PKHD1: variants seen among roughly 807,000 people sequenced by gnomAD.
The protein encoded by PKHD1 is PKHD1 ciliary IPT domain containing fibrocystin/polyductin.
Under a neutral mutation model 412.0 loss-of-function variants are expected in PKHD1, and 291 were observed. That is an observed-to-expected ratio of 0.71 (90% confidence interval 0.64 to 0.78). The LOEUF is 0.78. PKHD1 is among the 30% of genes least tolerant of loss of function. The pLI, the probability that PKHD1 is intolerant of heterozygous loss-of-function variation, is 0.00. For missense variants in PKHD1, 4,825 were observed against 4,950.7 expected, an observed-to-expected ratio of 0.97 and a Z score of 0.76; for synonymous variants, 1,777 against 1,821.5, an observed-to-expected ratio of 0.98 and a Z score of 0.62.
chr6:52,029,122 A>G (rs1284874752), intron 29 of PKHD1, among the ~76,000 whole-genome samples: 1 of 152,166 alleles, frequency 6.6e-6, no homozygotes, highest in African/African-American at 2.4e-5. Flanking sequence ...TGGTCCACAC[A>G]CTATCCTGAT....
intron 46 of PKHD1, among the ~76,000 whole-genome samples, chr6:51,874,239 C>T (rs1015712782): frequency 1.6e-4 from 24 of 151,882 alleles, no homozygotes; most frequent in Non-Finnish European, 3.1e-4. Context: ...CCTACAGATA[C>T]TTCGATAAGT....
At chr6:51,762,298 AC>A (rs1788148487) in intron 55 of PKHD1, among the ~76,000 whole-genome samples, 1 of 152,090 alleles carries the variant, frequency 6.6e-6, no homozygotes, top group Non-Finnish European at 1.5e-5. Context: ...TGACAAAGTA[AC>A]CATTTAATTT....
At chr6:51,997,044 T>G (rs574058994) in intron 35 of PKHD1, among the ~76,000 whole-genome samples, 2 of 152,290 alleles carry the variant, frequency 1.3e-5, no homozygotes, top group East Asian at 3.9e-4. Flanking sequence ...TTAACTCAAG[T>G]TGGATCAATG....
Position 52,010,429 on chromosome 6 carries a change from G to A in PKHD1, c.5631C>T (p.Ile1877=), listed in dbSNP as rs2128117364. The change falls in exon 35 of 67, where the codon ATC becomes ATT. Residue 1877 remains isoleucine (I), a synonymous_variant. Coordinates refer to ENST00000371117, the MANE Select transcript of PKHD1 (RefSeq NM_138694.4). ...TGGTAATGTTACAGGAGCTATTATAGATGAGAACTTCATCTCTTTCCAATT... is the reference window on the plus strand; with the variant it reads ...TGGTAATGTTACAGGAGCTATTATAAATGAGAACTTCATCTCTTTCCAATT... The part of the protein sequence containing the change: ...SPKLERDEVL[I]YNSSCNITME... 6.2e-7 allele frequency: 1 copy of A among 1,607,832 alleles called. No homozygotes were observed.
At chr6:51,881,733 G>A (rs897564012) in intron 46 of PKHD1, among the ~76,000 whole-genome samples, 2 of 152,156 alleles carry the variant, frequency 1.3e-5, no homozygotes, top group African/African-American at 4.8e-5. Flanking sequence ...TTTCCCCTAA[G>A]TTCAAGAAGT....
At chr6:51,824,661 A>G (rs919980765) in intron 52 of PKHD1, among the ~76,000 whole-genome samples, 8 of 122,208 alleles carry the variant, frequency 6.5e-5, no homozygotes, top group African/African-American at 2.7e-4. Flanking sequence ...TTTTCCATTC[A>G]CTTTCTAAAG....
In PKHD1 at chr6:51,870,639, C is replaced by T; in HGVS notation, c.7351G>A (p.Gly2451Arg). 1.2e-6 allele frequency: 2 copies of T among 1,607,830 alleles called. No homozygotes were observed. The highest frequency in any genetic ancestry group is 2.2e-5 in the South Asian group (2 of 90,850). ...ATCCCAGATGACATACACAGACTTC[C>T]CTGTGATTTAAAAGAAAAAAAGATG... ...SLLLGHFAHK[G>R]SLCMSSGIKT... Residue 2451 changes from glycine (G) to arginine (R), a missense_variant and splice_region_variant, in exon 47 of 67, where the codon GGA becomes AGA. Transcript: ENST00000371117.
At chr6:51,666,223 T>C (rs1187482090) in intron 60 of PKHD1, among the ~76,000 whole-genome samples, 1 of 152,138 alleles carries the variant, frequency 6.6e-6, no homozygotes, top group Non-Finnish European at 1.5e-5. Flanking sequence ...ATGAATTATT[T>C]AAAATGAGAA....
intron 52 of PKHD1, among the ~76,000 whole-genome samples, chr6:51,813,002 C>A (rs1316383568): frequency 6.6e-6 from 1 of 152,204 alleles, no homozygotes; most frequent in East Asian, 1.9e-4. Context: ...CTGCTTCCCA[C>A]TTCAAGTTGT....
At chr6:51,907,411 A>G (rs903658986) in intron 40 of PKHD1, among the ~76,000 whole-genome samples, 18 of 152,156 alleles carry the variant, frequency 1.2e-4, no homozygotes, top group African/African-American at 4.3e-4. Context: ...ATCCACCCCA[A>G]TAAATTAACC....
At chr6:52,080,068 G>T in intron 4 of PKHD1, 60 bp from the exon 5 acceptor site, 2 of 955,766 alleles carry the variant, frequency 2.1e-6, no homozygotes, top group Non-Finnish European at 1.7e-6. Context: ...AAAGCTAGCA[G>T]CCCACTTGCC....
chr6:51,959,981 T>C lies in PKHD1; in HGVS notation c.5797A>G (p.Ser1933Gly), dbSNP rs1791757714. 1.9e-6 allele frequency: 3 copies of C among 1,613,544 alleles called. No individual in the cohort carries two copies. The highest frequency in any genetic ancestry group is 2.2e-5 in the East Asian group (1 of 44,860). The change falls in exon 36 of 67, where the codon AGC becomes GGC. Residue 1933 changes from serine (S) to glycine (G), a missense_variant. Ser to Gly is a moderately conservative substitution (Grantham distance 56). Coordinates refer to ENST00000371117, the MANE Select transcript of PKHD1 (RefSeq NM_138694.4). ...TGTGGCAGCCTTTCAGGAAACCAGC[T>C]GTGAGTCCTGGACCATCTCCGGCAG... is the stretch of plus-strand genomic sequence containing the variant. ...QFCRRWSRTHSWFPERLPQDG... is the reference protein window; with the variant it reads ...QFCRRWSRTHGWFPERLPQDG...
chr6:52,068,326 T>C (rs780045284), intron 11 of PKHD1, among the ~76,000 whole-genome samples: 3 of 152,210 alleles, frequency 2.0e-5, no homozygotes, highest in Non-Finnish European at 4.4e-5. Flanking sequence ...CTGTGAGTCC[T>C]GATCCCAAGA....
intron 28 of PKHD1, among the ~76,000 whole-genome samples, chr6:52,034,193 AG>A (rs1239600102): frequency 4.1e-5 from 6 of 146,338 alleles, no homozygotes; most frequent in Admixed American, 6.8e-5. Context: ...AAAAAAAAAA[AG>A]AACTATAAAA....
chr6:51,758,182 G>C (rs891348749), intron 55 of PKHD1, among the ~76,000 whole-genome samples: 2 of 152,082 alleles, frequency 1.3e-5, no homozygotes, highest in African/African-American at 4.8e-5. Context: ...GACCTTTTCT[G>C]TTCTGGCTTC....
intron 33 of PKHD1, among the ~76,000 whole-genome samples, chr6:52,018,131 T>C (rs1001492085): frequency 6.6e-6 from 1 of 152,236 alleles, no homozygotes. Context: ...CTATTGTTAA[T>C]ACATTTTCAC....
intron 35 of PKHD1, among the ~76,000 whole-genome samples, chr6:51,962,501 C>T (rs999351516): frequency 6.6e-6 from 1 of 152,106 alleles, no homozygotes. Context: ...ACCTCTTGGC[C>T]TAGCCTGTCA....
intron 23 of PKHD1, among the ~76,000 whole-genome samples, chr6:52,047,180 C>A (rs1805984980): frequency 6.6e-6 from 1 of 152,152 alleles, no homozygotes; most frequent in African/African-American, 2.4e-5. Context: ...GAAGTCTCTA[C>A]GGATGAGCTG....
chr6:51,671,589 G>A (rs2150505282), intron 60 of PKHD1, among the ~76,000 whole-genome samples: 1 of 152,292 alleles, frequency 6.6e-6, no homozygotes, highest in Non-Finnish European at 1.5e-5. Flanking sequence ...CATTGCTGGT[G>A]AGGAACTGCG....
Sources: gnomAD v4.1 joint callset for allele counts (sites outside exome capture counted in the v4.1 genomes callset) on GRCh38, gnomAD v4.1.1 for gene constraint, MANE v1.5 for transcripts, NCBI Gene and HGNC (gene_info 2026-07-23, HGNC 2026-07-21) for gene names.